Variants in ADGRE1 observed in about 807,000 individuals in gnomAD.
ADGRE1 encodes EGF-like module receptor 1.
A neutral mutation model predicts 102.7 loss-of-function variants in ADGRE1; 82 were observed. The observed-to-expected ratio is 0.80, with a 90% confidence interval of 0.67 to 0.96. ADGRE1 has a LOEUF of 0.96. Ranked by LOEUF, ADGRE1 falls within the 40% of genes least tolerant of loss-of-function variation. The pLI, the probability that ADGRE1 is intolerant of heterozygous loss-of-function variation, is 0.00. For missense variants in ADGRE1, 1,032 were observed against 1,085.3 expected (o/e 0.95, Z 0.69); for synonymous variants, 398 against 399.6 (o/e 1.00, Z 0.05).
intron 16 of ADGRE1, among the ~76,000 whole-genome samples, chr19:6,927,903 T>C (rs988660530): frequency 1.3e-5 from 2 of 152,048 alleles, no homozygotes; most frequent in African/African-American, 4.8e-5. Flanking sequence ...AAGTTGTGAA[T>C]TGGGAAATGA....
At chr19:6,896,768 T>TTTTC in intron 3 of ADGRE1, 3 of 482,054 alleles carry the variant, frequency 6.2e-6, no homozygotes, top group Non-Finnish European at 1.0e-5. Flanking sequence ...GCAAACATGA[T>TTTTC]TTTCTTCCTT....
At chr19:6,933,385 CTTTTT>C (rs34493324) in intron 17 of ADGRE1, among the ~76,000 whole-genome samples, 2 of 129,890 alleles carry the variant, frequency 1.5e-5, no homozygotes, top group Non-Finnish European at 1.6e-5. Context: ...AGTGTGAAGA[CTTTTT>C]TTTTTTTTTT....
chr19:6,913,840 AC>A lies in ADGRE1; in HGVS notation c.1300+13del. ...CGGACGGAATACTTAGGTAGGAGAC[AC>A]CCTTTGTGGCAAGGTTACACCTAGG... On this transcript the variant is annotated intron_variant, in intron 11 of 20. Coordinates refer to ENST00000312053, the MANE Select transcript of ADGRE1 (RefSeq NM_001974.5). The A allele has an allele frequency of 1.3e-6, 2 of 1,564,844 alleles. No individual in the cohort carries two copies. Among genetic ancestry groups the A allele is most frequent in the Non-Finnish European group, 1.7e-6 (2 of 1,149,896 alleles).
At chr19:6,899,543 G>A (rs1973690740) in intron 5 of ADGRE1, among the ~76,000 whole-genome samples, 1 of 152,038 alleles carries the variant, frequency 6.6e-6, no homozygotes, top group Admixed American at 6.5e-5. Flanking sequence ...AGCCGGGCAT[G>A]GTGGCAGGCA....
At chr19:6,926,685 C>A in intron 16 of ADGRE1, 84 bp downstream of exon 16, 1 of 1,373,722 alleles carries the variant, frequency 7.3e-7, no homozygotes, top group African/African-American at 1.4e-5. Flanking sequence ...AGAGTAACAA[C>A]AGTAGCAGTA....
intron 5 of ADGRE1, among the ~76,000 whole-genome samples, chr19:6,901,436 A>G (rs1310447317): frequency 6.6e-6 from 1 of 152,176 alleles, no homozygotes; most frequent in Non-Finnish European, 1.5e-5. Flanking sequence ...TTAGCACCTC[A>G]TTACTTCACT....
chr19:6,936,823 A>G (rs1434705330), intron 18 of ADGRE1, among the ~76,000 whole-genome samples: 2 of 152,018 alleles, frequency 1.3e-5, no homozygotes, highest in Non-Finnish European at 2.9e-5. Context: ...GGTTTTCACC[A>G]TGTTAACCAG....
intron 6 of ADGRE1, among the ~76,000 whole-genome samples, chr19:6,902,518 G>T (rs1287108815): frequency 6.6e-6 from 1 of 151,968 alleles, no homozygotes; most frequent in Non-Finnish European, 1.5e-5. Flanking sequence ...TCGGCTCACT[G>T]CAACCTCCCC....
chr19:6,926,385 C>A lies in ADGRE1; in HGVS notation c.2006C>A (p.Ala669Glu). Residue 669 changes from alanine (A) to glutamate (E), a missense_variant, in exon 16 of 21, where the codon GCG (alanine) becomes GAG (glutamate). Coordinates refer to ENST00000312053, the MANE Select transcript of ADGRE1 (RefSeq NM_001974.5). The part of the protein sequence containing the change: ...TDNKMGCAII[A>E]GFLHYLFLAC... ...CTCCAGATGGGCTGCGCCATCATCG[C>A]GGGCTTCCTGCACTACCTTTTCCTT... The A allele has an allele frequency of 6.2e-7, 1 of 1,614,108 alleles. No homozygotes were observed. Among genetic ancestry groups the A allele is most frequent in the Non-Finnish European group, 8.5e-7 (1 of 1,180,036 alleles).
At chr19:6,915,236 G>A (rs1169167998) in intron 11 of ADGRE1, among the ~76,000 whole-genome samples, 1 of 151,996 alleles carries the variant, frequency 6.6e-6, no homozygotes, top group Non-Finnish European at 1.5e-5. Flanking sequence ...TTGAACTTCT[G>A]AGCTCAAGTG....
intron 20 of ADGRE1, among the ~76,000 whole-genome samples, chr19:6,938,631 T>C (rs1279858248): frequency 6.6e-6 from 1 of 151,930 alleles, no homozygotes; most frequent in Non-Finnish European, 1.5e-5. Flanking sequence ...GGGATAATGG[T>C]AATCCTTACC....
chr19:6,887,676 T>C, intron 1 of ADGRE1, 37 bp downstream of exon 1: 1 of 1,599,042 alleles, frequency 6.3e-7, no homozygotes, highest in Admixed American at 1.8e-5. Context: ...AGGGGAGGCC[T>C]GGATTGGAAA....
Position 6,924,485 on chromosome 19 carries a change from G to A in ADGRE1, c.1792-193G>A, listed in dbSNP as rs193247752. The stretch of plus-strand genomic sequence containing the variant: ...TGGAGTAACGCATAGGACAGGACTG[G>A]GAATAGGTGCTGGTGGATGCCAGTG... On this transcript the variant is annotated intron_variant, in intron 14 of 20. Transcript: ENST00000312053. Among the ~76,000 whole-genome samples, 35 of 152,244 alleles carry A rather than the reference G, an allele frequency of 2.3e-4. No individual in the cohort carries two copies. In the East Asian group the frequency reaches 5.2e-3, roughly 23 times the overall value.
At position 6,896,113 on chromosome 19, in the gene ADGRE1, T is replaced by A. The variant is rs1393315279; in HGVS notation, c.95-285T>A. 6 of 316,394 alleles carry A rather than the reference T, an allele frequency of 1.9e-5. No homozygotes were observed. The Admixed American group carries it at 2.7e-4, about 14-fold the overall frequency. 19.6% of individuals were successfully genotyped at this position (316,394 alleles called of 1,614,324 possible). A position where few individuals can be genotyped will look rare whatever the true frequency, so the allele number is the denominator to read the frequency against. ...CGGTTTGCACTGTTGCATGGCACTG[T>A]CCCTGTGCATGTCTGTGTGTCTCTT... On this transcript the variant is annotated intron_variant, in intron 2 of 20. Coordinates refer to ENST00000312053, the MANE Select transcript of ADGRE1 (RefSeq NM_001974.5).
At chr19:6,932,820 G>A (rs1975219904) in intron 17 of ADGRE1, among the ~76,000 whole-genome samples, 1 of 152,232 alleles carries the variant, frequency 6.6e-6, no homozygotes, top group Admixed American at 6.5e-5. Flanking sequence ...TCTCATGGAG[G>A]TGGTGGTGAT....
At chr19:6,917,706 C>T (rs977131688) in intron 12 of ADGRE1, among the ~76,000 whole-genome samples, 32 of 145,128 alleles carry the variant, frequency 2.2e-4, no homozygotes, top group Non-Finnish European at 3.6e-4. Flanking sequence ...CGCCACTGCA[C>T]TCCAGCCTGG....
Position 6,905,868 on chromosome 19 carries a change from A to G in ADGRE1, c.950-565A>G, listed in dbSNP as rs1199860089. Among the ~76,000 whole-genome samples, 3 of 152,154 alleles carry G rather than the reference A, an allele frequency of 2.0e-5. No homozygotes were observed. In the East Asian group the frequency reaches 5.8e-4, roughly 29 times the overall value. ...TATCATCAATGTCGCTGGTTCTCCT[A>G]TATGTTTCTTCTCCATTCTATCTCC... is the stretch of plus-strand genomic sequence containing the variant. On this transcript the variant is annotated intron_variant, in intron 8 of 20. Transcript: ENST00000312053.
chr19:6,933,886 C>G (rs1038856919), intron 17 of ADGRE1, among the ~76,000 whole-genome samples: 2 of 151,616 alleles, frequency 1.3e-5, no homozygotes, highest in African/African-American at 4.9e-5. Flanking sequence ...GTATGTATAT[C>G]TTGCTCAGGA....
At chr19:6,898,722 T>A in intron 5 of ADGRE1, 2 of 755,204 alleles carry the variant, frequency 2.6e-6, no homozygotes, top group Non-Finnish European at 4.4e-6. Context: ...CCTGCTTAAT[T>A]AATTAAGGGT....
Sources: allele counts gnomAD v4.1 joint callset (sites outside exome capture counted in the v4.1 genomes callset), GRCh38; gene constraint gnomAD v4.1.1; transcripts MANE v1.5; gene names NCBI Gene and HGNC (gene_info 2026-07-23, HGNC 2026-07-21).